The following FBRSL1 variants were observed in gnomAD, a reference collection of about 807,000 sequenced individuals.
FBRSL1 encodes the protein fibrosin like 1.
In FBRSL1, 51 loss-of-function variants were observed where a neutral mutation model predicts 89.6. The ratio of observed to expected loss-of-function variants is 0.57; its 90% confidence interval spans 0.45 to 0.72. The LOEUF (loss-of-function observed/expected upper bound fraction) is 0.72. Among genes scored for constraint, FBRSL1 ranks in the 30% least tolerant of loss-of-function variants. The pLI, the probability that FBRSL1 is intolerant of heterozygous loss-of-function variation, is 0.00. For synonymous variants in FBRSL1, 779 were observed against 681.1 expected (o/e 1.14, Z -2.24); for missense variants, 1,618 against 1,451.8 (o/e 1.11, Z -1.86).
chr12:132,576,729 T>G, intron 14 of FBRSL1, 70 bp from the exon 15 acceptor site: 1 of 1,495,806 alleles, frequency 6.7e-7, no homozygotes, highest in Non-Finnish European at 9.0e-7. Flanking sequence ...CTGTGGCCCC[T>G]CAGGCCTGGG....
At chr12:132,535,307 G>A (rs999648881) in intron 4 of FBRSL1, among the ~76,000 whole-genome samples, 1 of 152,214 alleles carries the variant, frequency 6.6e-6, no homozygotes, top group Non-Finnish European at 1.5e-5. Flanking sequence ...CCTGACACAG[G>A]CTCATTAATT....
intron 1 of FBRSL1, among the ~76,000 whole-genome samples, chr12:132,500,124 T>G (rs2032727301): frequency 1.3e-5 from 2 of 152,148 alleles, no homozygotes; most frequent in African/African-American, 4.8e-5. Flanking sequence ...CTCTAGACTC[T>G]GCGGGAGCCA....
At chr12:132,568,000 A>C (rs914287141) in intron 6 of FBRSL1, among the ~76,000 whole-genome samples, 1 of 151,978 alleles carries the variant, frequency 6.6e-6, no homozygotes, top group African/African-American at 2.4e-5. Context: ...GCTGTGAGCT[A>C]TGGGACAGGG....
intron 14 of FBRSL1, among the ~76,000 whole-genome samples, chr12:132,576,382 G>A (rs1204855018): frequency 6.6e-6 from 1 of 151,934 alleles, no homozygotes; most frequent in Non-Finnish European, 1.5e-5. Context: ...TAGTAAAGAC[G>A]GGGTTTCGCC....
chr12:132,526,108 G>C (rs775475442), intron 3 of FBRSL1, among the ~76,000 whole-genome samples: 7 of 152,292 alleles, frequency 4.6e-5, no homozygotes, highest in Non-Finnish European at 8.8e-5. Flanking sequence ...CATTAGGAGA[G>C]ATTTAAATGA....
chr12:132,567,234 ACC>A (rs1319663719), intron 5 of FBRSL1, among the ~76,000 whole-genome samples: 2 of 151,444 alleles, frequency 1.3e-5, no homozygotes, highest in Non-Finnish European at 2.9e-5. Context: ...CTTCACTCAG[ACC>A]CCCTCTAGGA....
At chr12:132,581,286 T>G (rs992324247) in intron 15 of FBRSL1, 153 bp from the exon 16 acceptor site, 9 of 985,272 alleles carry the variant, frequency 9.1e-6, no homozygotes, top group Non-Finnish European at 1.1e-5. Flanking sequence ...CACCTCTTAC[T>G]CTGACTGGAC....
intron 5 of FBRSL1, among the ~76,000 whole-genome samples, chr12:132,556,887 C>T (rs1231405822): frequency 6.6e-6 from 1 of 152,024 alleles, no homozygotes; most frequent in Non-Finnish European, 1.5e-5. Flanking sequence ...TGGGAGGTTC[C>T]TCTCCAGGCG....
At chr12:132,563,990 C>T (rs997774704) in intron 5 of FBRSL1, among the ~76,000 whole-genome samples, 1 of 152,032 alleles carries the variant, frequency 6.6e-6, no homozygotes, top group Admixed American at 6.6e-5. Flanking sequence ...AGCTCCTGTG[C>T]ACCCCCTGCA....
chr12:132,506,022 G>A (rs1593265683), intron 1 of FBRSL1, among the ~76,000 whole-genome samples: 1 of 152,238 alleles, frequency 6.6e-6, no homozygotes, highest in African/African-American at 2.4e-5. Flanking sequence ...CGGAGATGTC[G>A]GAGGCCTCTC....
intron 2 of FBRSL1, among the ~76,000 whole-genome samples, chr12:132,521,619 C>T (rs2035365825): frequency 6.6e-6 from 1 of 152,202 alleles, no homozygotes. Context: ...GTAGGATAGT[C>T]CTTGTCTGAA....
chr12:132,510,636 G>T (rs2034226092), intron 2 of FBRSL1: 13 of 1,230,374 alleles, frequency 1.1e-5, no homozygotes, highest in Non-Finnish European at 1.3e-5. Flanking sequence ...AGAGGCGGGA[G>T]CCCCTACAGT....
intron 5 of FBRSL1, among the ~76,000 whole-genome samples, chr12:132,559,318 G>A (rs1041178927): frequency 6.6e-6 from 1 of 152,278 alleles, no homozygotes; most frequent in Admixed American, 6.5e-5. Flanking sequence ...CAGGGAGGGC[G>A]GGGCTTGCAG....
intron 2 of FBRSL1, chr12:132,510,979 G>A (rs2034270728): frequency 2.0e-6 from 2 of 988,286 alleles, no homozygotes; most frequent in South Asian, 9.4e-5. Flanking sequence ...GGGTGTGAGA[G>A]TGAGTGGCGT....
chr12:132,550,453 G>T (rs2038062754), intron 5 of FBRSL1, among the ~76,000 whole-genome samples: 1 of 152,164 alleles, frequency 6.6e-6, no homozygotes, highest in African/African-American at 2.4e-5. Flanking sequence ...CCTGCCTGTG[G>T]CCCCGTTTGC....
intron 4 of FBRSL1, among the ~76,000 whole-genome samples, chr12:132,547,466 G>A (rs2037794088): frequency 6.6e-6 from 1 of 152,204 alleles, no homozygotes; most frequent in Non-Finnish European, 1.5e-5. Context: ...TGCGCTGCCA[G>A]CCCCTCCTCT....
At chr12:132,521,621 T>C (rs978190299) in intron 2 of FBRSL1, among the ~76,000 whole-genome samples, 1 of 152,198 alleles carries the variant, frequency 6.6e-6, no homozygotes, top group Non-Finnish European at 1.5e-5. Context: ...AGGATAGTCC[T>C]TGTCTGAATG....
chr12:132,548,598 CG>C (rs1021503369), intron 5 of FBRSL1, among the ~76,000 whole-genome samples: 6 of 152,136 alleles, frequency 3.9e-5, no homozygotes, highest in African/African-American at 1.4e-4. Context: ...GAGCAGCCTC[CG>C]GGGGGGCTCT....
intron 11 of FBRSL1, among the ~76,000 whole-genome samples, chr12:132,573,838 T>G (rs1330316802): frequency 1.3e-5 from 2 of 152,140 alleles, no homozygotes; most frequent in African/African-American, 4.8e-5. Context: ...TCGGCCCTGG[T>G]GGCAAGTGGC....
Sources: gnomAD v4.1 joint callset for allele counts (sites outside exome capture counted in the v4.1 genomes callset) on GRCh38, gnomAD v4.1.1 for gene constraint, MANE v1.5 for transcripts, NCBI Gene and HGNC (gene_info 2026-07-23, HGNC 2026-07-21) for gene names.